Variants in G3BP2 observed in about 807,000 individuals in gnomAD.
G3BP2 encodes ras GTPase-activating protein-binding protein 2.
In G3BP2, 11 loss-of-function variants were observed where a neutral mutation model predicts 56.7. The observed-to-expected ratio is 0.19, with a 90% confidence interval of 0.12 to 0.32. The LOEUF is 0.32. Among genes scored for constraint, G3BP2 ranks in the 10% least tolerant of loss-of-function variants. G3BP2 has a pLI of 1.00. For missense variants in G3BP2, 340 were observed against 610.9 expected, an observed-to-expected ratio of 0.56 and a Z score of 4.67; for synonymous variants, 165 against 191.6, an observed-to-expected ratio of 0.86 and a Z score of 1.15.
chr4:75,687,943 T>A (rs543813826), intron 3 of G3BP2, among the ~76,000 whole-genome samples: 46 of 152,326 alleles, frequency 3.0e-4, no homozygotes, highest in African/African-American at 1.1e-3. Context: ...AAGTTAAAAA[T>A]GCTATATAAA....
At chr4:75,685,396 G>A (rs1718550079) in intron 3 of G3BP2, among the ~76,000 whole-genome samples, 1 of 151,352 alleles carries the variant, frequency 6.6e-6, no homozygotes, top group Admixed American at 6.6e-5. Flanking sequence ...AGCTACTCAG[G>A]AGGCTGAGGC....
chr4:75,661,787 C>A, intron 2 of G3BP2, 144 bp downstream of exon 2: 1 of 559,358 alleles, frequency 1.8e-6, no homozygotes, highest in Non-Finnish European at 3.2e-6. Flanking sequence ...TTTTTGCCAT[C>A]AAATGAATAA....
chr4:75,692,496 G>C lies in G3BP2; in HGVS notation c.-25+28381C>G, dbSNP rs912656718. Among the ~76,000 whole-genome samples the C allele has an allele frequency of 2.0e-5, 3 of 152,066 alleles. No homozygotes were observed. The East Asian group carries it at 5.8e-4, about 29-fold the overall frequency. On this transcript the variant is annotated intron_variant, in intron 3 of 3. Coordinates refer to the G3BP2 transcript ENST00000499709. ...CCAGCTAATTTTTGTGTTTTTAGTA[G>C]AGACGCGGTTTCACCATATTGGACA...
rs200905807 is a variant in G3BP2 at position 75,722,544 on chromosome 4, G to C, written c.-165-300C>G. 2.6e-5 allele frequency among the ~76,000 whole-genome samples: 4 copies of C among 152,316 alleles called. No individual in the cohort carries two copies. The East Asian group carries it at 5.8e-4, about 22-fold the overall frequency. ...GAGTGAGTTTCAGGGACAAGGTGAA[G>C]TGAGGTTCAGGGAGGGGTGAGGCTT... is the stretch of plus-strand genomic sequence containing the variant. On this transcript the variant is annotated intron_variant, in intron 1 of 3. Coordinates refer to the G3BP2 transcript ENST00000499709.
chr4:75,667,130 A>G (rs372549448), intron 1 of G3BP2, among the ~76,000 whole-genome samples: 1 of 152,188 alleles, frequency 6.6e-6, no homozygotes, highest in East Asian at 1.9e-4. Flanking sequence ...CTACTAAAAA[A>G]TACAAAAAAT....
At chr4:75,655,939 C>T in intron 5 of G3BP2, 69 bp from the exon 6 acceptor site, 3 of 856,222 alleles carry the variant, frequency 3.5e-6, no homozygotes, top group South Asian at 1.4e-5. Context: ...ATATTTTTAA[C>T]ATGTTTAAGG....
At chr4:75,648,807 C>T (rs1170043036) in intron 8 of G3BP2, 66 bp from the exon 9 acceptor site, 9 of 903,168 alleles carry the variant, frequency 1.0e-5, no homozygotes, top group Non-Finnish European at 1.6e-5. Context: ...ACCAAAGCAC[C>T]TAACGACAAG....
intron 7 of G3BP2, among the ~76,000 whole-genome samples, chr4:75,654,470 G>A (rs1299549817): frequency 6.6e-6 from 1 of 152,228 alleles, no homozygotes; most frequent in Non-Finnish European, 1.5e-5. Flanking sequence ...TAGGAAAGAA[G>A]AGAGTATTAG....
chr4:75,683,289 C>T (rs1033104297), intron 3 of G3BP2, among the ~76,000 whole-genome samples: 16 of 152,130 alleles, frequency 1.1e-4, no homozygotes, highest in African/African-American at 1.7e-4. Flanking sequence ...AGGCCGAGCA[C>T]GGTAGCTCAC....
At chr4:75,655,645 A>G in intron 6 of G3BP2, 123 bp downstream of exon 6, 3 of 629,170 alleles carry the variant, frequency 4.8e-6, no homozygotes, top group Non-Finnish European at 8.6e-6. Flanking sequence ...CACAATAGGT[A>G]CTCAAATACT....
At chr4:75,648,252 G>A (rs1227157293) in intron 9 of G3BP2, among the ~76,000 whole-genome samples, 1 of 151,626 alleles carries the variant, frequency 6.6e-6, no homozygotes, top group Non-Finnish European at 1.5e-5. Context: ...GGAGGCTGAG[G>A]CAAGGGAATC....
chr4:75,719,925 C>T (rs1270263672), intron 3 of G3BP2, among the ~76,000 whole-genome samples: 1 of 151,824 alleles, frequency 6.6e-6, no homozygotes, highest in Non-Finnish European at 1.5e-5. Context: ...AGGTAGCTGT[C>T]CAACATTTTA....
Position 75,673,343 on chromosome 4 carries a change from G to T in G3BP2, c.-160C>A. The T allele has an allele frequency of 8.1e-7, 1 of 1,231,168 alleles. No individual in the cohort carries two copies. The highest frequency in any genetic ancestry group is 1.0e-6 in the Non-Finnish European group (1 of 987,396). 76.3% of individuals were successfully genotyped at this position (1,231,168 alleles called of 1,614,324 possible). A position where few individuals can be genotyped will look rare whatever the true frequency, so the allele number is the denominator to read the frequency against. On this transcript the variant is annotated 5_prime_UTR_variant, in exon 1 of 12. Transcript: ENST00000359707. ...AGCCTCGGAAGCCGGAGAGCCGCGA[G>T]TTCGTCTGCCTCACAACCACCTCTT...
At chr4:75,682,945 T>C (rs531659450) in intron 3 of G3BP2, among the ~76,000 whole-genome samples, 4 of 150,860 alleles carry the variant, frequency 2.7e-5, no homozygotes, top group East Asian at 3.9e-4. Context: ...GATGGCGCCA[T>C]TGCACTCCAG....
intron 3 of G3BP2, among the ~76,000 whole-genome samples, chr4:75,711,255 G>A (rs1719744616): frequency 6.6e-6 from 1 of 151,396 alleles, no homozygotes; most frequent in South Asian, 2.1e-4. Flanking sequence ...GGAGACAGTG[G>A]TTGCAGTGAG....
At chr4:75,653,680 T>C (rs1731882786) in intron 8 of G3BP2, among the ~76,000 whole-genome samples, 1 of 150,712 alleles carries the variant, frequency 6.6e-6, no homozygotes, top group African/African-American at 2.4e-5. Context: ...TTTTGCTAAA[T>C]AGAATTTGAA....
chr4:75,693,078 T>C (rs1718935754), intron 3 of G3BP2, among the ~76,000 whole-genome samples: 1 of 151,966 alleles, frequency 6.6e-6, no homozygotes, highest in Admixed American at 6.5e-5. Flanking sequence ...ACCCTGTCTC[T>C]ACTAAAAATA....
chr4:75,683,352 A>T (rs1445983493), intron 3 of G3BP2, among the ~76,000 whole-genome samples: 1 of 152,124 alleles, frequency 6.6e-6, no homozygotes, highest in Non-Finnish European at 1.5e-5. Flanking sequence ...ACCTGAGGTC[A>T]GGAATTTGAG....
rs188564623 is a variant in G3BP2 at position 75,714,398 on chromosome 4, G to A, written c.-25+6479C>T. On this transcript the variant is annotated intron_variant, in intron 3 of 3. Coordinates refer to the G3BP2 transcript ENST00000499709. ...CCCCAGCACTTTGGAAGGCCGGGGCGGGCAGATCACGTGAGGTCAGGAGTT... is the reference window on the plus strand; with the variant it reads ...CCCCAGCACTTTGGAAGGCCGGGGCAGGCAGATCACGTGAGGTCAGGAGTT... Among the ~76,000 whole-genome samples, 299 of 152,264 alleles carry A rather than the reference G, an allele frequency of 2.0e-3. 1 individual carries two copies. The highest frequency in any genetic ancestry group is 6.8e-3 in the African/African-American group (284 of 41,552).
Sources: gnomAD v4.1 joint callset for allele counts (sites outside exome capture counted in the v4.1 genomes callset) on GRCh38, gnomAD v4.1.1 for gene constraint, MANE v1.5 for transcripts, NCBI Gene and HGNC (gene_info 2026-07-23, HGNC 2026-07-21) for gene names.